EYA2: variants seen among roughly 807,000 people sequenced by gnomAD.
EYA2 encodes EYA transcriptional coactivator and phosphatase 2, also known as protein phosphatase EYA2.
A neutral mutation model predicts 69.2 loss-of-function variants in EYA2; 31 were observed. The ratio of observed to expected loss-of-function variants is 0.45; its 90% CI spans 0.34 to 0.60. The LOEUF (loss-of-function observed/expected upper bound fraction) is 0.60. Ranked by LOEUF, EYA2 falls within the 20% of genes least tolerant of loss-of-function variation. The pLI, the probability that EYA2 is intolerant of heterozygous loss-of-function variation, is 0.02. For synonymous variants in EYA2, 257 were observed against 279.4 expected, an observed-to-expected ratio of 0.92 and a Z score of 0.80; for missense variants, 622 against 701.2, an observed-to-expected ratio of 0.89 and a Z score of 1.28.
intron 7 of EYA2, among the ~76,000 whole-genome samples, chr20:47,085,678 G>A (rs997295379): frequency 6.6e-6 from 1 of 151,580 alleles, no homozygotes; most frequent in Non-Finnish European, 1.5e-5. Context: ...ATGAAGTATC[G>A]ATAAACACCG....
chr20:47,179,746 C>A, intron 12 of EYA2, 52 bp from the exon 13 acceptor site: 2 of 1,322,826 alleles, frequency 1.5e-6, no homozygotes, highest in East Asian at 2.4e-5. Context: ...CTACCTTCAT[C>A]CCCCAGATCT....
intron 15 of EYA2, among the ~76,000 whole-genome samples, chr20:47,187,175 C>T (rs2034660300): frequency 6.6e-6 from 1 of 152,068 alleles, no homozygotes; most frequent in East Asian, 1.9e-4. Context: ...TTGAGACCAG[C>T]CTGGTCACCA....
chr20:47,134,640 A>T (rs138214399), intron 9 of EYA2, among the ~76,000 whole-genome samples: 27 of 152,230 alleles, frequency 1.8e-4, no homozygotes, highest in Admixed American at 4.6e-4. Context: ...GCTGTGTATG[A>T]TAGATTCTGA....
In EYA2 at chr20:46,968,815, C is replaced by T. The variant is rs143968707; in HGVS notation, c.-10-21186C>T. ...CCACCGACCCCACTAAGAACCTCTACGCTAAAAGATGTTTTCCTGCCAGTC... is the reference window on the plus strand; with the variant it reads ...CCACCGACCCCACTAAGAACCTCTATGCTAAAAGATGTTTTCCTGCCAGTC... On this transcript the variant is annotated intron_variant, in intron 1 of 15. Transcript: ENST00000327619. Among the ~76,000 whole-genome samples the T allele has an allele frequency of 3.3e-3, 508 of 152,100 alleles. 3 individuals are homozygous for T. The highest frequency in any genetic ancestry group is 3.4e-3 in the Middle Eastern group (1 of 294).
intron 10 of EYA2, among the ~76,000 whole-genome samples, chr20:47,146,246 G>A (rs1380882015): frequency 2.6e-5 from 4 of 152,216 alleles, no homozygotes; most frequent in Non-Finnish European, 1.5e-5. Context: ...GAAGATGCCA[G>A]ATCAGGCAGC....
At position 46,894,900 on chromosome 20, in the gene EYA2, C is replaced by G. The variant is rs1983715649; in HGVS notation, c.-98C>G. On this transcript the variant is annotated 5_prime_UTR_variant, in exon 1 of 16. Transcript: ENST00000327619. Reference sequence around the variant, plus strand: ...CGGCAACGGCAGAGACAGCAACGTGCCCGCCGCAGTCAGCCCGGCCTCGTC... The same window carrying G: ...CGGCAACGGCAGAGACAGCAACGTGGCCGCCGCAGTCAGCCCGGCCTCGTC... The G allele has an allele frequency of 6.6e-6, 1 of 151,364 alleles. No homozygotes were observed. The highest frequency in any genetic ancestry group is 6.6e-5 in the Admixed American group (1 of 15,176). The allele number at this position is 151,364 out of a possible 1,614,324, so 9.4% of individuals were successfully genotyped here.
At chr20:46,987,833 A>G (rs947448386) in intron 1 of EYA2, among the ~76,000 whole-genome samples, 1 of 148,572 alleles carries the variant, frequency 6.7e-6, no homozygotes, top group African/African-American at 2.5e-5. Context: ...AGGCTGAGGT[A>G]GGAGAATCAC....
chr20:47,019,303 C>T (rs1298737439), intron 5 of EYA2, among the ~76,000 whole-genome samples: 1 of 152,240 alleles, frequency 6.6e-6, no homozygotes, highest in Non-Finnish European at 1.5e-5. Context: ...AGGGCAGCGG[C>T]AGCAGCTGGG....
intron 5 of EYA2, among the ~76,000 whole-genome samples, chr20:47,065,770 A>C (rs1204213656): frequency 6.6e-6 from 1 of 152,214 alleles, no homozygotes; most frequent in African/African-American, 2.4e-5. Context: ...GACTGGTAAT[A>C]AACGGTTTGT....
At chr20:47,152,593 T>G (rs6012122) in intron 10 of EYA2, among the ~76,000 whole-genome samples, 2,750 of 151,682 alleles carry the variant, frequency 0.018, 80 homozygotes, top group African/African-American at 0.062. Flanking sequence ...GGCAGATCAC[T>G]TGAGGTCAGG....
chr20:47,158,544 C>G (rs1377432115), intron 10 of EYA2, among the ~76,000 whole-genome samples: 1 of 151,678 alleles, frequency 6.6e-6, no homozygotes, highest in Non-Finnish European at 1.5e-5. Context: ...AACTGAAGAC[C>G]TTGCTGTGTT....
At chr20:46,950,961 G>A (rs1978759543) in intron 1 of EYA2, among the ~76,000 whole-genome samples, 1 of 152,182 alleles carries the variant, frequency 6.6e-6, no homozygotes, top group Non-Finnish European at 1.5e-5. Flanking sequence ...GATGGGAAAG[G>A]GCTTATAACA....
chr20:47,085,082 T>C (rs2146497144), intron 7 of EYA2, among the ~76,000 whole-genome samples: 1 of 151,746 alleles, frequency 6.6e-6, no homozygotes, highest in South Asian at 2.1e-4. Flanking sequence ...AGCAATTCTC[T>C]CACCTTGACC....
At chr20:46,961,764 G>T (rs1229900320) in intron 1 of EYA2, among the ~76,000 whole-genome samples, 1 of 152,202 alleles carries the variant, frequency 6.6e-6, no homozygotes, top group Non-Finnish European at 1.5e-5. Context: ...TAAAATAAGC[G>T]AGGAGCAGAA....
intron 9 of EYA2, among the ~76,000 whole-genome samples, chr20:47,131,265 A>G (rs1399881107): frequency 6.6e-6 from 1 of 152,216 alleles, no homozygotes; most frequent in East Asian, 1.9e-4. Context: ...GCATTAGAAG[A>G]CATTAATATC....
intron 5 of EYA2, among the ~76,000 whole-genome samples, chr20:47,050,854 C>T (rs1001105156): frequency 1.3e-5 from 2 of 152,218 alleles, no homozygotes; most frequent in Non-Finnish European, 2.9e-5. Context: ...GAAAGCGTAG[C>T]GCTCCAGCAG....
Position 47,078,642 on chromosome 20 carries a change from T to C in EYA2, c.661+4307T>C, listed in dbSNP as rs543810685. On this transcript the variant is annotated intron_variant, in intron 7 of 15. Transcript: ENST00000327619. ...ATGATTACAGGGCAATTTGCTGATA[T>C]AGAGGGCAGAATCTGAACATCTCAT... 8.5e-5 allele frequency among the ~76,000 whole-genome samples: 13 copies of C among 152,376 alleles called. No individual in the cohort carries two copies. The South Asian group carries it at 2.3e-3, about 27-fold the overall frequency.
intron 5 of EYA2, among the ~76,000 whole-genome samples, chr20:47,054,822 C>T (rs552044845): frequency 1.6e-4 from 25 of 152,302 alleles, no homozygotes; most frequent in Middle Eastern, 3.4e-3. Context: ...TCAGTTTGGA[C>T]TCTCGCACAC....
intron 1 of EYA2, among the ~76,000 whole-genome samples, chr20:46,913,667 A>G (rs1984757866): frequency 6.6e-6 from 1 of 152,146 alleles, no homozygotes; most frequent in Admixed American, 6.5e-5. Context: ...TGCTTTTAAG[A>G]TAGAGCCGAT....
Sources: gnomAD v4.1 joint callset for allele counts (sites outside exome capture counted in the v4.1 genomes callset) on GRCh38, gnomAD v4.1.1 for gene constraint, MANE v1.5 for transcripts, NCBI Gene and HGNC (gene_info 2026-07-23, HGNC 2026-07-21) for gene names.